The following KIAA1217 variants were observed in gnomAD, a reference collection of about 807,000 sequenced individuals.
KIAA1217 encodes the protein sickle tail protein homolog.
Under a neutral mutation model 163.9 loss-of-function variants are expected in KIAA1217, and 88 were observed. The ratio of observed to expected loss-of-function variants is 0.54; its 90% CI spans 0.45 to 0.64. The LOEUF is 0.64. Among genes scored for constraint, KIAA1217 ranks in the 30% least tolerant of loss-of-function variants. The pLI is 0.00. For synonymous variants in KIAA1217, 903 were observed against 923.1 expected, an observed-to-expected ratio of 0.98 and a Z score of 0.39; for missense variants, 2,372 against 2,475.0, an observed-to-expected ratio of 0.96 and a Z score of 0.88.
chr10:24,387,442 A>G (rs1206844056), intron 3 of KIAA1217, among the ~76,000 whole-genome samples: 1 of 152,232 alleles, frequency 6.6e-6, no homozygotes, highest in Non-Finnish European at 1.5e-5. Context: ...CCCACAGCCA[A>G]TATCATACTG....
rs564864411 is a variant in KIAA1217 at position 24,400,228 on chromosome 10, C to A, written c.553+19161C>A. ...ACAAAAGCCCTAGACAGGAACCGTG[C>A]ACAGGGATGAAGCCTGGACTTATAC... On this transcript the variant is annotated intron_variant, in intron 3 of 20. Transcript: ENST00000376454. Among the ~76,000 whole-genome samples the A allele has an allele frequency of 1.5e-3, 229 of 152,278 alleles. 1 individual carries two copies. Among genetic ancestry groups the A allele is most frequent in the Non-Finnish European group, 1.2e-3 (79 of 68,032 alleles).
chr10:23,727,811 C>T lies in KIAA1217; in HGVS notation c.-321+32577C>T, dbSNP rs149423940. Among the ~76,000 whole-genome samples the T allele has an allele frequency of 3.5e-3, 532 of 152,182 alleles. 5 individuals are homozygous for T. The highest frequency in any genetic ancestry group is 0.012 in the African/African-American group (516 of 41,526). ...TCCCTCCTCTAGACCCCCCACCTCC[C>T]GATGGGCCCTTGTGTGTGATGTTCC... is the stretch of plus-strand genomic sequence containing the variant. On this transcript the variant is annotated intron_variant, in intron 1 of 18. Transcript: ENST00000376462.
chr10:24,092,894 G>T (rs2061988021), intron 2 of KIAA1217, among the ~76,000 whole-genome samples: 1 of 149,300 alleles, frequency 6.7e-6, no homozygotes, highest in Non-Finnish European at 1.5e-5. Context: ...ATTTTACTGT[G>T]TGTATGTATA....
rs2078196746 is a variant in KIAA1217, at chr10:24,283,484, TG to T, written c.354+63577del. ...GAGTTCAGGAACAGCCTGGTCAACA[TG>T]GCAAAATCCCATGTCTACTAAAAAT... On this transcript the variant is annotated intron_variant, in intron 2 of 20. Transcript: ENST00000376454. Among the ~76,000 whole-genome samples the T allele has an allele frequency of 2.6e-5, 4 of 152,200 alleles. 1 individual carries two copies. In the South Asian group the frequency reaches 8.3e-4, roughly 32 times the overall value.
intron 1 of KIAA1217, among the ~76,000 whole-genome samples, chr10:23,823,120 G>A (rs1205142063): frequency 6.6e-6 from 1 of 152,144 alleles, no homozygotes; most frequent in Non-Finnish European, 1.5e-5. Context: ...TGCTTCACCT[G>A]GATCCTCTGC....
chr10:24,193,338 A>C (rs550323203), intron 2 of KIAA1217, among the ~76,000 whole-genome samples: 8 of 152,234 alleles, frequency 5.3e-5, no homozygotes, highest in Non-Finnish European at 8.8e-5. Flanking sequence ...TCTGGAGAGA[A>C]AATTTGCTAT....
chr10:24,049,816 T>A (rs1849356978), intron 2 of KIAA1217, among the ~76,000 whole-genome samples: 1 of 152,244 alleles, frequency 6.6e-6, no homozygotes, highest in African/African-American at 2.4e-5. Flanking sequence ...CGTTTGGGTT[T>A]ATACCCGGTA....
At chr10:23,774,121 T>G (rs1430810662) in intron 1 of KIAA1217, among the ~76,000 whole-genome samples, 1 of 152,190 alleles carries the variant, frequency 6.6e-6, no homozygotes, top group Admixed American at 6.5e-5. Context: ...CTTATTATTT[T>G]GAGATATGTC....
At chr10:24,330,510 C>T (rs2045536473) in intron 2 of KIAA1217, among the ~76,000 whole-genome samples, 1 of 152,166 alleles carries the variant, frequency 6.6e-6, no homozygotes, top group Non-Finnish European at 1.5e-5. Flanking sequence ...AGAATCCATA[C>T]ATAGGCTTCC....
At chr10:24,037,515 G>A (rs1848445984) in intron 2 of KIAA1217, among the ~76,000 whole-genome samples, 1 of 151,894 alleles carries the variant, frequency 6.6e-6, no homozygotes, top group Admixed American at 6.6e-5. Context: ...CAAAAAAATG[G>A]AACATAGCCC....
chr10:24,501,556 T>A lies in KIAA1217; in HGVS notation c.2001+11T>A, dbSNP rs760203024. 13 of 1,608,668 alleles carry A rather than the reference T, an allele frequency of 8.1e-6. No homozygotes were observed. The highest frequency in any genetic ancestry group is 2.7e-5 in the African/African-American group (2 of 74,578). ...ATGCGGCAGCTCCAGGTATTCCTCA[T>A]GCACGGCGGCCTCTGTCTCGGTTGC... On this transcript the variant is annotated intron_variant, in intron 9 of 20. Coordinates refer to ENST00000376454, the MANE Select transcript of KIAA1217 (RefSeq NM_019590.5).
chr10:24,461,538 T>C (rs2062410097), intron 5 of KIAA1217, among the ~76,000 whole-genome samples: 1 of 152,054 alleles, frequency 6.6e-6, no homozygotes, highest in African/African-American at 2.4e-5. Flanking sequence ...GTACTTTTAG[T>C]AGAGATGGGG....
intron 1 of KIAA1217, among the ~76,000 whole-genome samples, chr10:23,883,468 C>T (rs890381590): frequency 6.6e-6 from 1 of 151,812 alleles, no homozygotes; most frequent in Non-Finnish European, 1.5e-5. Flanking sequence ...TCAAAACAGA[C>T]TTTATATTTT....
At chr10:24,315,317 C>T (rs2043212586) in intron 2 of KIAA1217, among the ~76,000 whole-genome samples, 1 of 152,190 alleles carries the variant, frequency 6.6e-6, no homozygotes, top group South Asian at 2.1e-4. Context: ...GCCCAAATTT[C>T]ACAGAATGAT....
chr10:23,717,762 G>A (rs1837659035), intron 1 of KIAA1217, among the ~76,000 whole-genome samples: 1 of 152,084 alleles, frequency 6.6e-6, no homozygotes, highest in Non-Finnish European at 1.5e-5. Flanking sequence ...GGCAACATGA[G>A]CCTCAGACTT....
chr10:23,924,130 T>C (rs1254924203), intron 1 of KIAA1217, among the ~76,000 whole-genome samples: 1 of 151,790 alleles, frequency 6.6e-6, no homozygotes, highest in Non-Finnish European at 1.5e-5. Context: ...AAGTTGGTGA[T>C]ACTGTATTTT....
rs115432436 is a variant in KIAA1217 at position 23,992,303 on chromosome 10, G to A, written c.-320-14922G>A. Among the ~76,000 whole-genome samples the A allele has an allele frequency of 1.6e-3, 242 of 152,312 alleles. 1 individual carries two copies. The highest frequency in any genetic ancestry group is 5.5e-3 in the African/African-American group (229 of 41,572). ...AAAAGTTAATACAGCTCACAGAGCA[G>A]CCAAGAAATAGAAATAGAAATGGTG... On this transcript the variant is annotated intron_variant, in intron 1 of 18. Coordinates refer to the KIAA1217 transcript ENST00000376462.
At chr10:23,927,799 A>T (rs1289892519) in intron 1 of KIAA1217, among the ~76,000 whole-genome samples, 1 of 152,166 alleles carries the variant, frequency 6.6e-6, no homozygotes, top group African/African-American at 2.4e-5. Context: ...GCCTCCGGAG[A>T]CAGTAAGATT....
intron 1 of KIAA1217, among the ~76,000 whole-genome samples, chr10:23,880,000 G>T (rs1204543723): frequency 6.6e-6 from 1 of 151,876 alleles, no homozygotes; most frequent in Non-Finnish European, 1.5e-5. Context: ...TGCTTCTGGT[G>T]GTGGGTGCTG....
Sources: gnomAD v4.1 joint callset for allele counts (sites outside exome capture counted in the v4.1 genomes callset) on GRCh38, gnomAD v4.1.1 for gene constraint, MANE v1.5 for transcripts, NCBI Gene and HGNC (gene_info 2026-07-23, HGNC 2026-07-21) for gene names.